The following PALM2AKAP2 variants were observed in gnomAD, a reference collection of about 807,000 sequenced individuals.
PALM2AKAP2 encodes the protein PALM2 and AKAP2 fusion, also known as PALM2-AKAP2 fusion protein.
Under a neutral mutation model 71.5 loss-of-function variants are expected in PALM2AKAP2, and 37 were observed. The observed-to-expected ratio is 0.52, with a 90% CI of 0.40 to 0.68. The LOEUF is 0.68. PALM2AKAP2 is among the 30% of genes least tolerant of loss of function. PALM2AKAP2 has a pLI of 0.00. For missense variants in PALM2AKAP2, 1,224 were observed against 1,191.8 expected (o/e 1.03, Z -0.40); for synonymous variants, 468 against 478.8 (o/e 0.98, Z 0.29).
intron 1 of PALM2AKAP2, among the ~76,000 whole-genome samples, chr9:109,705,697 A>G (rs1828132881): frequency 6.6e-6 from 1 of 152,222 alleles, no homozygotes; most frequent in Non-Finnish European, 1.5e-5. Flanking sequence ...TTCCAAAGAT[A>G]GCATAGTGGT....
chr9:109,995,304 A>C (rs7864336), intron 6 of PALM2AKAP2, among the ~76,000 whole-genome samples: 110,426 of 152,038 alleles, frequency 0.73, 40,640 homozygotes, highest in African/African-American at 0.8. Context: ...ATCAGATTAT[A>C]CAGACAGAAA....
intron 7 of PALM2AKAP2, among the ~76,000 whole-genome samples, chr9:110,018,776 C>T (rs987362634): frequency 2.0e-5 from 3 of 152,190 alleles, no homozygotes; most frequent in Non-Finnish European, 4.4e-5. Flanking sequence ...TCTATCTTCT[C>T]CTTTAGGATT....
At chr9:110,014,802 A>AG (rs1832945595) in intron 6 of PALM2AKAP2, among the ~76,000 whole-genome samples, 8 of 41,452 alleles carry the variant, frequency 1.9e-4, no homozygotes, top group East Asian at 9.2e-4. Context: ...AAAAAAAAAA[A>AG]AATGTATATA....
At chr9:110,133,688 A>G (rs1835783846) in intron 1 of PALM2AKAP2, among the ~76,000 whole-genome samples, 1 of 152,030 alleles carries the variant, frequency 6.6e-6, no homozygotes, top group African/African-American at 2.4e-5. Flanking sequence ...CCAAGCCAAA[A>G]AGGATAGAAG....
In PALM2AKAP2 at chr9:109,867,198, G is replaced by GTGTC. The variant is rs1554721942; in HGVS notation, c.46-290_46-289insCTGT. ...TGTGTGTGTGTGTGTGTGTGTGTGT[G>GTGTC]TGTGTGTCTGTGTGTGTGTGTAGAA... is the stretch of plus-strand genomic sequence containing the variant. On this transcript the variant is annotated intron_variant, in intron 1 of 9. Transcript: ENST00000302798. 2.5e-3 allele frequency: 970 copies of GTGTC among 389,582 alleles called. 5 individuals are homozygous for GTGTC. The highest frequency in any genetic ancestry group is 0.022 in the African/African-American group (916 of 40,836). 24.1% of individuals were successfully genotyped at this position (389,582 alleles called of 1,614,324 possible). A position where few individuals can be genotyped will look rare whatever the true frequency, so the allele number is the denominator to read the frequency against.
intron 6 of PALM2AKAP2, among the ~76,000 whole-genome samples, chr9:110,000,081 T>C (rs1380966305): frequency 1.3e-5 from 2 of 152,150 alleles, no homozygotes; most frequent in African/African-American, 2.4e-5. Context: ...TACATATATA[T>C]ACATGTGCCA....
intron 1 of PALM2AKAP2, among the ~76,000 whole-genome samples, chr9:109,820,020 A>T (rs1284890633): frequency 6.6e-6 from 1 of 151,648 alleles, no homozygotes; most frequent in Non-Finnish European, 1.5e-5. Flanking sequence ...CAGCAGTTAC[A>T]AGTAGTAAAA....
At chr9:109,673,768 A>G (rs1827608723) in intron 1 of PALM2AKAP2, among the ~76,000 whole-genome samples, 1 of 152,098 alleles carries the variant, frequency 6.6e-6, no homozygotes, top group Non-Finnish European at 1.5e-5. Context: ...TTGCTTCATA[A>G]ATCTGAGTGC....
intron 1 of PALM2AKAP2, among the ~76,000 whole-genome samples, chr9:109,799,783 C>T (rs1333848924): frequency 1.3e-5 from 2 of 152,208 alleles, no homozygotes; most frequent in African/African-American, 2.4e-5. Context: ...GCATGAACCA[C>T]CGCGTCGGCC....
At chr9:109,908,796 A>T (rs1830504720) in intron 3 of PALM2AKAP2, among the ~76,000 whole-genome samples, 1 of 138,666 alleles carries the variant, frequency 7.2e-6, no homozygotes, top group South Asian at 2.4e-4. Context: ...CTGAGGCTGT[A>T]TGGATGCGTG....
chr9:110,000,168 C>G (rs12353311), intron 6 of PALM2AKAP2, among the ~76,000 whole-genome samples: 36,951 of 138,750 alleles, frequency 0.27, 5,638 homozygotes, highest in Non-Finnish European at 0.39. Flanking sequence ...CCCCTCCCCC[C>G]ACCACACAAC....
At chr9:110,028,485 C>T (rs1331761834) in intron 7 of PALM2AKAP2, among the ~76,000 whole-genome samples, 4 of 152,140 alleles carry the variant, frequency 2.6e-5, no homozygotes, top group Non-Finnish European at 5.9e-5. Flanking sequence ...CCAGATGACT[C>T]TGCTAAGGAG....
intron 3 of PALM2AKAP2, among the ~76,000 whole-genome samples, chr9:109,907,646 C>T (rs190132520): frequency 2.5e-4 from 38 of 152,294 alleles, no homozygotes; most frequent in African/African-American, 8.4e-4. Flanking sequence ...CAGCCCGGCA[C>T]AACCCATGTG....
chr9:109,916,273 T>A (rs990643757), intron 3 of PALM2AKAP2, among the ~76,000 whole-genome samples: 8 of 152,096 alleles, frequency 5.3e-5, no homozygotes, highest in African/African-American at 1.9e-4. Context: ...GAACTGGAGA[T>A]TGAATGGCAC....
At chr9:109,964,902 C>A (rs962626446) in intron 6 of PALM2AKAP2, among the ~76,000 whole-genome samples, 21 of 152,122 alleles carry the variant, frequency 1.4e-4, no homozygotes, top group African/African-American at 4.6e-4. Flanking sequence ...TAGATTCATG[C>A]TGGAAGGGAA....
At chr9:110,024,251 C>T (rs1423442680) in intron 7 of PALM2AKAP2, among the ~76,000 whole-genome samples, 29 of 152,146 alleles carry the variant, frequency 1.9e-4, no homozygotes, top group Non-Finnish European at 1.0e-4. Context: ...CCAATAAGAT[C>T]CCTCATGCCC....
intron 1 of PALM2AKAP2, among the ~76,000 whole-genome samples, chr9:109,758,396 T>C (rs1828999161): frequency 6.6e-6 from 1 of 152,142 alleles, no homozygotes; most frequent in Non-Finnish European, 1.5e-5. Flanking sequence ...AGTACATTTG[T>C]AATTTTAATA....
upstream of PALM2AKAP2, chr9:110,048,689 AC>A: frequency 6.5e-7 from 1 of 1,535,222 alleles, no homozygotes; most frequent in South Asian, 1.2e-5. Flanking sequence ...GGAGGCTACC[AC>A]TCCCTGCAGA....
intron 6 of PALM2AKAP2, among the ~76,000 whole-genome samples, chr9:110,010,323 ATAAG>A (rs1299640617): frequency 6.6e-6 from 1 of 151,910 alleles, no homozygotes; most frequent in Non-Finnish European, 1.5e-5. Flanking sequence ...CAAAGACATT[ATAAG>A]TAAGAATTTC....
Sources: allele counts gnomAD v4.1 joint callset (sites outside exome capture counted in the v4.1 genomes callset), GRCh38; gene constraint gnomAD v4.1.1; transcripts MANE v1.5; gene names NCBI Gene and HGNC (gene_info 2026-07-23, HGNC 2026-07-21).